ANO3: variants seen among roughly 807,000 people sequenced by gnomAD.
ANO3 encodes the protein anoctamin-3.
Under a neutral mutation model 144.8 loss-of-function variants are expected in ANO3, and 99 were observed. The observed-to-expected ratio is 0.68, with a 90% CI of 0.58 to 0.81. The LOEUF (loss-of-function observed/expected upper bound fraction) is 0.81, where lower values mean the gene tolerates loss of function less well. Among genes scored for constraint, ANO3 ranks in the 30% least tolerant of loss-of-function variants. ANO3 has a pLI of 0.00. For synonymous variants in ANO3, 414 were observed against 392.6 expected (o/e 1.05, Z -0.64); for missense variants, 905 against 1,202.2 (o/e 0.75, Z 3.66).
intron 1 of ANO3, among the ~76,000 whole-genome samples, chr11:26,266,723 G>A (rs948744829): frequency 2.0e-5 from 3 of 150,408 alleles, no homozygotes; most frequent in South Asian, 2.2e-4. Context: ...GTGATCCACC[G>A]TGCCCGGCCA....
chr11:26,512,934 A>G (rs999747648), intron 5 of ANO3, among the ~76,000 whole-genome samples: 38 of 152,238 alleles, frequency 2.5e-4, no homozygotes, highest in African/African-American at 8.4e-4. Flanking sequence ...TAACTTATTC[A>G]TCCATTTTAT....
intron 4 of ANO3, among the ~76,000 whole-genome samples, chr11:26,491,265 T>G (rs1384130827): frequency 6.6e-6 from 1 of 152,212 alleles, no homozygotes; most frequent in Non-Finnish European, 1.5e-5. Flanking sequence ...ATTTTAAGAA[T>G]GAATTAGTGA....
chr11:26,571,879 A>T (rs1184309762), intron 14 of ANO3, among the ~76,000 whole-genome samples: 1 of 152,158 alleles, frequency 6.6e-6, no homozygotes, highest in African/African-American at 2.4e-5. Context: ...TTACTTAATA[A>T]AACAACTACT....
chr11:26,634,986 C>T (rs1385380710), intron 19 of ANO3, 27 bp from the exon 20 acceptor site: 2 of 1,595,662 alleles, frequency 1.3e-6, no homozygotes, highest in Non-Finnish European at 1.7e-6. Context: ...CACTTAAATG[C>T]TAATGAACTA....
intron 4 of ANO3, among the ~76,000 whole-genome samples, chr11:26,478,122 C>A (rs1860056774): frequency 6.6e-6 from 1 of 152,134 alleles, no homozygotes; most frequent in African/African-American, 2.4e-5. Context: ...AATTGTATTT[C>A]TCGCCCCAGG....
chr11:26,583,370 A>T (rs1851185259), intron 14 of ANO3, among the ~76,000 whole-genome samples: 1 of 152,188 alleles, frequency 6.6e-6, no homozygotes, highest in African/African-American at 2.4e-5. Flanking sequence ...GAAATGAAGG[A>T]AAGGGAAATT....
intron 14 of ANO3, 195 bp downstream of exon 14, chr11:26,559,974 A>C (rs187968981): frequency 2.5e-5 from 11 of 447,666 alleles, no homozygotes; most frequent in African/African-American, 2.0e-4. Context: ...TCTTGATCTC[A>C]TCCTCTAATC....
intron 1 of ANO3, among the ~76,000 whole-genome samples, chr11:26,365,748 C>G (rs1465139577): frequency 1.3e-5 from 2 of 152,060 alleles, no homozygotes; most frequent in Non-Finnish European, 2.9e-5. Flanking sequence ...AGGCCTTAAC[C>G]TGGCTCCTAA....
At chr11:26,520,336 T>C (rs945189390) in intron 6 of ANO3, among the ~76,000 whole-genome samples, 3 of 152,046 alleles carry the variant, frequency 2.0e-5, no homozygotes, top group African/African-American at 7.2e-5. Flanking sequence ...GGAATGCATG[T>C]AAAAGAAGAG....
At chr11:26,430,093 A>C (rs1244749818) in intron 1 of ANO3, among the ~76,000 whole-genome samples, 1 of 152,062 alleles carries the variant, frequency 6.6e-6, no homozygotes, top group Non-Finnish European at 1.5e-5. Flanking sequence ...AAAATACAAA[A>C]CAATAAAAAA....
chr11:26,251,733 G>A (rs951920256), intron 1 of ANO3, among the ~76,000 whole-genome samples: 12 of 152,274 alleles, frequency 7.9e-5, no homozygotes, highest in Admixed American at 2.0e-4. Context: ...GGCAGAAGGC[G>A]AAGGGGAAAC....
intron 1 of ANO3, among the ~76,000 whole-genome samples, chr11:26,358,146 A>G (rs1203051177): frequency 6.7e-6 from 1 of 149,118 alleles, no homozygotes; most frequent in Non-Finnish European, 1.5e-5. Flanking sequence ...TGTTTTTTAC[A>G]TGAAGCTTAG....
intron 9 of ANO3, among the ~76,000 whole-genome samples, chr11:26,537,040 T>C (rs950276690): frequency 8.6e-5 from 13 of 150,458 alleles, no homozygotes; most frequent in African/African-American, 2.7e-4. Flanking sequence ...GGACGGGGAC[T>C]GGGTGGGATA....
chr11:26,517,490 T>G (rs1004504718), intron 6 of ANO3, among the ~76,000 whole-genome samples: 1 of 152,058 alleles, frequency 6.6e-6, no homozygotes, highest in Non-Finnish European at 1.5e-5. Flanking sequence ...ATTGAGTATC[T>G]TGTGTTTTAT....
intron 1 of ANO3, among the ~76,000 whole-genome samples, chr11:26,373,728 A>C (rs1856327057): frequency 6.6e-6 from 1 of 152,192 alleles, no homozygotes; most frequent in African/African-American, 2.4e-5. Flanking sequence ...ACACAAAGAC[A>C]CAAACACGTT....
rs972506644 is a variant in ANO3, at chr11:26,661,981, C to T, written c.*1537C>T. On this transcript the variant is annotated 3_prime_UTR_variant, in exon 27 of 27. Coordinates refer to ENST00000256737, the MANE Select transcript of ANO3 (RefSeq NM_031418.4). Reference sequence around the variant, plus strand: ...TTATTTGTCCAATCAAGCAAAGCACCATTATTTCTAACATATAAAAGACCA... The same window carrying T: ...TTATTTGTCCAATCAAGCAAAGCACTATTATTTCTAACATATAAAAGACCA... The T allele has an allele frequency of 1.3e-5, 2 of 151,982 alleles. No homozygotes were observed. Among genetic ancestry groups the T allele is most frequent in the East Asian group, 3.9e-4 (2 of 5,182 alleles). 9.4% of individuals were successfully genotyped at this position (151,982 alleles called of 1,614,324 possible). A position where few individuals can be genotyped will look rare whatever the true frequency, so the allele number is the denominator to read the frequency against.
At chr11:26,409,881 A>C (rs752291949) in intron 1 of ANO3, among the ~76,000 whole-genome samples, 4 of 151,966 alleles carry the variant, frequency 2.6e-5, no homozygotes, top group Non-Finnish European at 5.9e-5. Context: ...CATTTGGCTG[A>C]CTGTTAATGT....
In ANO3 at chr11:26,332,234, C is replaced by T; in HGVS notation, c.-42C>T. Reference sequence around the variant, plus strand: ...CTGGCTACTGTTCCTCCGCCTCCCTCTCGGGCAGCTCCCTAAGCCGGCTGG... The same window carrying T: ...CTGGCTACTGTTCCTCCGCCTCCCTTTCGGGCAGCTCCCTAAGCCGGCTGG... On this transcript the variant is annotated 5_prime_UTR_variant, in exon 1 of 27. Transcript: ENST00000256737. 1 of 1,614,090 alleles carries T rather than the reference C, an allele frequency of 6.2e-7. No individual in the cohort carries two copies. The highest frequency in any genetic ancestry group is 8.5e-7 in the Non-Finnish European group (1 of 1,180,002).
chr11:26,383,563 G>C, intron 1 of ANO3, among the ~76,000 whole-genome samples: 1 of 146,136 alleles, frequency 6.8e-6, no homozygotes, highest in Admixed American at 7.1e-5. Flanking sequence ...AATGACTTTA[G>C]ACTATTACAT....
Sources: gnomAD v4.1 joint callset for allele counts (sites outside exome capture counted in the v4.1 genomes callset) on GRCh38, gnomAD v4.1.1 for gene constraint, MANE v1.5 for transcripts, NCBI Gene and HGNC (gene_info 2026-07-23, HGNC 2026-07-21) for gene names.